CEP63: variants seen among roughly 807,000 people sequenced by gnomAD.
CEP63 encodes centrosomal protein of 63 kDa.
CEP63 carries 84 observed loss-of-function variants against 89.1 expected under a neutral mutation model. The ratio of observed to expected loss-of-function variants is 0.94; its 90% confidence interval spans 0.79 to 1.13. The LOEUF (loss-of-function observed/expected upper bound fraction) is 1.13. CEP63 is among the 50% of genes most tolerant of loss of function. The pLI, the probability that CEP63 is intolerant of heterozygous loss-of-function variation, is 0.00. For synonymous variants in CEP63, 267 were observed against 272.5 expected (o/e 0.98, Z 0.20); for missense variants, 838 against 813.3 (o/e 1.03, Z -0.37).
Position 134,563,395 on chromosome 3 carries a change from C to G in CEP63, c.*1860C>G, listed in dbSNP as rs539805171. 6.6e-6 allele frequency: 1 copy of G among 152,178 alleles called. No homozygotes were observed. The highest frequency in any genetic ancestry group is 2.1e-4 in the South Asian group (1 of 4,830). The allele number at this position is 152,178 out of a possible 1,614,324, so 9.4% of individuals were successfully genotyped here. On this transcript the variant is annotated 3_prime_UTR_variant, in exon 15 of 15. Transcript: ENST00000675561. Reference sequence around the variant, plus strand: ...AAATGTAAATGAAACAGTGTCACCACTGCTTCCCTTCAGACTCTTCCAAGG... The same window carrying G: ...AAATGTAAATGAAACAGTGTCACCAGTGCTTCCCTTCAGACTCTTCCAAGG...
At chr3:134,650,170 C>G in the CEP63 span, among the ~76,000 whole-genome samples, 1 of 152,312 alleles carries the variant, frequency 6.6e-6, no homozygotes, top group African/African-American at 2.4e-5. Context: ...TTTATTTTAC[C>G]AATCTACAAC....
intron 10 of CEP63, among the ~76,000 whole-genome samples, chr3:134,587,067 C>T (rs1560082238): frequency 2.0e-5 from 3 of 152,152 alleles, no homozygotes; most frequent in African/African-American, 4.8e-5. Context: ...CTTCTCTATG[C>T]TGTTTATTCT....
At chr3:134,656,921 C>T in the CEP63 span, among the ~76,000 whole-genome samples, 1,207 of 152,310 alleles carry the variant, frequency 7.9e-3, 2 homozygotes, top group Admixed American at 0.018. Flanking sequence ...ACCTAAATCC[C>T]GTCATCCCAC....
chr3:134,750,238 G>T, the CEP63 span, among the ~76,000 whole-genome samples: 1 of 152,194 alleles, frequency 6.6e-6, no homozygotes, highest in East Asian at 1.9e-4. Flanking sequence ...TGTCTGGTGT[G>T]CTGGGAAGGG....
At chr3:134,774,311 C>T in the CEP63 span, among the ~76,000 whole-genome samples, 1 of 152,214 alleles carries the variant, frequency 6.6e-6, no homozygotes, top group African/African-American at 2.4e-5. Flanking sequence ...ACAATAAACA[C>T]TTTACTCTCC....
intron 10 of CEP63, among the ~76,000 whole-genome samples, chr3:134,583,643 G>A (rs576442727): frequency 6.6e-6 from 1 of 152,224 alleles, no homozygotes; most frequent in Admixed American, 6.5e-5. Context: ...TTTTTGCTTA[G>A]GATTGTCTTG....
chr3:134,607,001 T>C, the CEP63 span: 1 of 982,970 alleles, frequency 1.0e-6, no homozygotes, highest in Non-Finnish European at 1.2e-6. Context: ...TACATAAGTA[T>C]CAGATATATG....
chr3:134,712,503 C>G, the CEP63 span, among the ~76,000 whole-genome samples: 1 of 152,112 alleles, frequency 6.6e-6, no homozygotes, highest in Non-Finnish European at 1.5e-5. Flanking sequence ...CTCCTTTTCT[C>G]TCTTCTTTTT....
chr3:134,530,922 A>C (rs1559956367), intron 3 of CEP63, among the ~76,000 whole-genome samples: 1 of 152,122 alleles, frequency 6.6e-6, no homozygotes, highest in Non-Finnish European at 1.5e-5. Context: ...CTCCCTCCCT[A>C]CTTACCAGTA....
the CEP63 span, among the ~76,000 whole-genome samples, chr3:134,744,540 GGAAAGGAAT>G: frequency 6.6e-6 from 1 of 152,190 alleles, no homozygotes; most frequent in African/African-American, 2.4e-5. Flanking sequence ...GGGAAGGAAA[GGAAAGGAAT>G]GAATTATCAG....
intron 2 of CEP63, among the ~76,000 whole-genome samples, chr3:134,498,037 C>G (rs185691818): frequency 6.6e-6 from 1 of 152,174 alleles, no homozygotes; most frequent in East Asian, 1.9e-4. Context: ...ATCAAGATTC[C>G]TTTGGCTATT....
At chr3:134,543,840 T>G (rs1952579261) in intron 6 of CEP63, among the ~76,000 whole-genome samples, 2 of 87,452 alleles carry the variant, frequency 2.3e-5, no homozygotes, top group African/African-American at 6.6e-5. Flanking sequence ...CCTTTCCTCT[T>G]TGAAAGAAAA....
chr3:134,561,447 A>G lies in CEP63; in HGVS notation c.2024A>G (p.His675Arg). 6.2e-7 allele frequency: 1 copy of G among 1,614,010 alleles called. No homozygotes were observed. Among genetic ancestry groups the G allele is most frequent in the South Asian group, 1.1e-5 (1 of 91,086 alleles). The part of the protein sequence containing the change: ...RFLEEEELRS[H>R]HILERLDAHI... ...TTGGAAGAGGAGGAACTGAGGTCTC[A>G]TCACATTCTAGAGCGCTTGGATGCC... Residue 675 changes from histidine to arginine, a missense_variant, in exon 15 of 15, where the codon CAT (histidine) becomes CGT (arginine). Physicochemically the swap from His to Arg is conservative, Grantham distance 29. Coordinates refer to ENST00000675561, the MANE Select transcript of CEP63 (RefSeq NM_001353108.3).
the CEP63 span, among the ~76,000 whole-genome samples, chr3:134,727,759 G>A: frequency 6.6e-6 from 1 of 152,184 alleles, no homozygotes; most frequent in Non-Finnish European, 1.5e-5. Context: ...AACAGAAAAT[G>A]TCTATATGCA....
At chr3:134,519,986 C>G (rs959525535) in intron 3 of CEP63, among the ~76,000 whole-genome samples, 1 of 151,886 alleles carries the variant, frequency 6.6e-6, no homozygotes, top group African/African-American at 2.4e-5. Flanking sequence ...TTAATGTAAC[C>G]CATTGTTAGA....
the CEP63 span, among the ~76,000 whole-genome samples, chr3:134,649,157 C>T: frequency 6.6e-5 from 10 of 152,186 alleles, no homozygotes; most frequent in South Asian, 2.1e-4. Context: ...TTCATAGCAT[C>T]GGTGAGAAAC....
At chr3:134,485,990 C>CGGGG, upstream of CEP63, 9 of 837,614 alleles carry the variant, frequency 1.1e-5, no homozygotes, top group African/African-American at 4.9e-5. Context: ...GCTCCTGCCA[C>CGGGG]GCCCCCCCCC....
the CEP63 span, among the ~76,000 whole-genome samples, chr3:134,659,397 A>G: frequency 6.6e-6 from 1 of 152,026 alleles, no homozygotes; most frequent in Non-Finnish European, 1.5e-5. Flanking sequence ...CTGCATTTCC[A>G]TTTCCATGAA....
downstream of CEP63, among the ~76,000 whole-genome samples, chr3:134,587,985 C>G (rs13085773): frequency 1.3e-5 from 2 of 152,096 alleles, no homozygotes. Context: ...GAATATGTCC[C>G]TCTTCAAATA....
Sources: gnomAD v4.1 joint callset for allele counts (sites outside exome capture counted in the v4.1 genomes callset) on GRCh38, gnomAD v4.1.1 for gene constraint, MANE v1.5 for transcripts, NCBI Gene and HGNC (gene_info 2026-07-23, HGNC 2026-07-21) for gene names.